TGIF1: variants seen among roughly 807,000 people sequenced by gnomAD.
TGIF1 encodes the protein homeobox protein TGIF1.
TGIF1 carries 4 observed loss-of-function variants against 19.3 expected under a neutral mutation model. The ratio of observed to expected loss-of-function variants is 0.21; its 90% CI spans 0.10 to 0.47. The LOEUF (loss-of-function observed/expected upper bound fraction) is 0.47, where lower values mean the gene tolerates loss of function less well. Among genes scored for constraint, TGIF1 ranks in the 20% least tolerant of loss-of-function variants. TGIF1 has a pLI of 0.98. For missense variants in TGIF1, 275 were observed against 341.4 expected, an observed-to-expected ratio of 0.81 and a Z score of 1.53; for synonymous variants, 122 against 129.3, an observed-to-expected ratio of 0.94 and a Z score of 0.38.
intron 1 of TGIF1, chr18:3,415,487 A>G: frequency 4.2e-6 from 2 of 478,884 alleles, no homozygotes; most frequent in Non-Finnish European, 8.4e-6. Flanking sequence ...GGAGCAAGTC[A>G]TGAGTTCCTG....
At chr18:3,432,233 G>A (rs1360997154) in intron 2 of TGIF1, among the ~76,000 whole-genome samples, 1 of 151,838 alleles carries the variant, frequency 6.6e-6, no homozygotes, top group Non-Finnish European at 1.5e-5. Flanking sequence ...AGGAAACATG[G>A]GACTGCCAAA....
intron 2 of TGIF1, among the ~76,000 whole-genome samples, chr18:3,443,542 A>C (rs143366592): frequency 6.6e-6 from 1 of 152,092 alleles, no homozygotes; most frequent in Admixed American, 6.5e-5. Flanking sequence ...GGTGTATACC[A>C]CGAAGCCCAG....
rs765311618 is a variant in TGIF1 at position 3,457,685 on chromosome 18, C to G, written c.564C>G (p.Leu188=). ...VTALKDVPFS[L]CQSVGVGQNT... ...CATTGAAAGATGTCCCTTTCTCTCTCTGCCAGTCGGTCGGTGTGGGACAAA... is the reference window on the plus strand; with the variant it reads ...CATTGAAAGATGTCCCTTTCTCTCTGTGCCAGTCGGTCGGTGTGGGACAAA... The change falls in exon 3 of 3, where the codon CTC becomes CTG. Residue 188 remains leucine (L), a synonymous_variant. Transcript: ENST00000343820. The surrounding 1 kb of genome is among the most constrained non-coding windows in gnomAD (Gnocchi z 4.9). The G allele has an allele frequency of 3.1e-6, 5 of 1,614,264 alleles. No homozygotes were observed. The South Asian group carries it at 4.4e-5, about 14-fold the overall frequency.
At chr18:3,412,453 T>C (rs1040025458) in intron 1 of TGIF1, among the ~76,000 whole-genome samples, 1 of 152,196 alleles carries the variant, frequency 6.6e-6, no homozygotes, top group Non-Finnish European at 1.5e-5. Flanking sequence ...GAAATGGAAA[T>C]ATTGTAACAA....
In TGIF1 at chr18:3,457,221, A is replaced by AAAT; in HGVS notation, c.244-141_244-139dup. 1.0e-6 allele frequency: 1 copy of AAAT among 958,410 alleles called. No individual in the cohort carries two copies. The highest frequency in any genetic ancestry group is 1.6e-6 in the Non-Finnish European group (1 of 624,832). The allele number at this position is 958,410 out of a possible 1,614,324, so 59.4% of individuals were successfully genotyped here. Reference sequence around the variant, plus strand: ...TTCTTGGCGGAGCTCAGATACCTTGAAATAACATTGTAAATTCAGATAAGG... The same window carrying AAAT: ...TTCTTGGCGGAGCTCAGATACCTTGAAATAATAACATTGTAAATTCAGATAAGG... On this transcript the variant is annotated intron_variant, in intron 2 of 2. Transcript: ENST00000343820. This position sits in a 1 kb window ranked among gnomAD's most constrained non-coding sequence, Gnocchi z 4.9.
chr18:3,458,956 ATGG>A lies in TGIF1; in HGVS notation c.*1020_*1022del, dbSNP rs1266887555. 1 of 152,214 alleles carries A rather than the reference ATGG, an allele frequency of 6.6e-6. No individual in the cohort carries two copies. The highest frequency in any genetic ancestry group is 1.5e-5 in the Non-Finnish European group (1 of 68,038). The allele number at this position is 152,214 out of a possible 1,614,324, so 9.4% of individuals were successfully genotyped here. ...TGAAATAAACGGTGGGGTTCTGTCT[ATGG>A]TGGGATTGTCAGTTTATTAGGTGAG... On this transcript the variant is annotated 3_prime_UTR_variant, in exon 3 of 3. Coordinates refer to ENST00000343820, the MANE Select transcript of TGIF1 (RefSeq NM_003244.4).
At chr18:3,434,752 G>T (rs1349942949) in intron 2 of TGIF1, among the ~76,000 whole-genome samples, 1 of 152,050 alleles carries the variant, frequency 6.6e-6, no homozygotes, top group Non-Finnish European at 1.5e-5. Flanking sequence ...TTATGAGCAG[G>T]CTCAGGAGGT....
chr18:3,427,945 C>T (rs1490869700), intron 2 of TGIF1, among the ~76,000 whole-genome samples: 1 of 152,200 alleles, frequency 6.6e-6, no homozygotes, highest in Non-Finnish European at 1.5e-5. Flanking sequence ...CAAAAACAAT[C>T]TATGGCTGCC....
intron 2 of TGIF1, among the ~76,000 whole-genome samples, chr18:3,420,933 G>A (rs1455498501): frequency 1.3e-5 from 2 of 152,206 alleles, no homozygotes; most frequent in African/African-American, 2.4e-5. Context: ...GGAGGAGTTT[G>A]ACAGTGTGAC....
upstream of TGIF1, chr18:3,448,298 A>C: frequency 1.0e-6 from 1 of 985,272 alleles, no homozygotes; most frequent in Non-Finnish European, 1.2e-6. Context: ...CCGGCTCCCC[A>C]GCGGATAGGA....
intron 1 of TGIF1, among the ~76,000 whole-genome samples, chr18:3,417,369 A>G (rs1360303514): frequency 6.6e-6 from 1 of 152,224 alleles, no homozygotes; most frequent in Non-Finnish European, 1.5e-5. Flanking sequence ...CATGTTGGGC[A>G]GGCTGATCTC....
At chr18:3,413,418 C>T (rs915705205) in intron 1 of TGIF1, among the ~76,000 whole-genome samples, 11 of 152,102 alleles carry the variant, frequency 7.2e-5, no homozygotes, top group Non-Finnish European at 1.3e-4. Flanking sequence ...AGATTTGATT[C>T]GAATTTTATT....
intron 2 of TGIF1, among the ~76,000 whole-genome samples, chr18:3,436,597 T>A (rs2082617087): frequency 6.6e-6 from 1 of 152,012 alleles, no homozygotes; most frequent in African/African-American, 2.4e-5. Context: ...GGCAGGTGGA[T>A]CACCTGAGGT....
chr18:3,450,130 G>A, upstream of TGIF1: 4 of 1,096,988 alleles, frequency 3.6e-6, no homozygotes, highest in Non-Finnish European at 4.5e-6. Flanking sequence ...GCGGCTGGGG[G>A]CGGAGGCAGG....
rs2082920112 is a variant in TGIF1 at position 3,451,363 on chromosome 18, GA to G, written c.16+861del. The G allele has an allele frequency of 1.0e-6, 1 of 984,594 alleles. No homozygotes were observed. 61.0% of individuals were successfully genotyped at this position (984,594 alleles called of 1,614,324 possible). On this transcript the variant is annotated intron_variant, in intron 1 of 2. Coordinates refer to ENST00000343820, the MANE Select transcript of TGIF1 (RefSeq NM_003244.4). This position sits in a 1 kb window ranked among gnomAD's most constrained non-coding sequence, Gnocchi z 5.4. ...ACACCGGAGGGGGACGGGGGGTGGA[GA>G]AACCACACAAAACACCCCGAAAGGT...
At chr18:3,448,650 C>T, upstream of TGIF1, 3 of 984,274 alleles carry the variant, frequency 3.0e-6, no homozygotes, top group Non-Finnish European at 3.6e-6. Context: ...CATTTTAGTC[C>T]TGTAATTGGA....
chr18:3,456,919 G>GT lies in TGIF1; in HGVS notation c.243+341dup, dbSNP rs1276896974. ...CAGTGAGGTAATTCATGTTATGTCT[G>GT]TTGACACAGTCATTTGAACTGGGAA... On this transcript the variant is annotated intron_variant, in intron 2 of 2. Coordinates refer to ENST00000343820, the MANE Select transcript of TGIF1 (RefSeq NM_003244.4). The surrounding 1 kb of genome is among the most constrained non-coding windows in gnomAD (Gnocchi z 4.2). 1 of 593,780 alleles carries GT rather than the reference G, an allele frequency of 1.7e-6. No individual in the cohort carries two copies. Among genetic ancestry groups the GT allele is most frequent in the African/African-American group, 1.9e-5 (1 of 53,786 alleles). 36.8% of individuals were successfully genotyped at this position (593,780 alleles called of 1,614,324 possible). A position where few individuals can be genotyped will look rare whatever the true frequency, so the allele number is the denominator to read the frequency against.
rs371106320 is a variant in TGIF1 at position 3,459,610 on chromosome 18, A to G, written c.*1670A>G. The G allele has an allele frequency of 1.3e-5, 2 of 152,240 alleles. No homozygotes were observed. The highest frequency in any genetic ancestry group is 6.5e-5 in the Admixed American group (1 of 15,280). The allele number at this position is 152,240 out of a possible 1,614,324, so 9.4% of individuals were successfully genotyped here. On this transcript the variant is annotated 3_prime_UTR_variant, in exon 3 of 3. Coordinates refer to ENST00000343820, the MANE Select transcript of TGIF1 (RefSeq NM_003244.4). ...AATCATTACTTGCTCCAACAGCTAG[A>G]TCAAAGGCTGAACATTTTGCTTTAG... is the stretch of plus-strand genomic sequence containing the variant.
intron 2 of TGIF1, among the ~76,000 whole-genome samples, chr18:3,441,074 T>C (rs1194768708): frequency 1.3e-5 from 2 of 152,202 alleles, no homozygotes; most frequent in Non-Finnish European, 2.9e-5. Flanking sequence ...TCCATGTTTT[T>C]TGGTTATCTG....
Sources: gnomAD v4.1 joint callset for allele counts (sites outside exome capture counted in the v4.1 genomes callset) on GRCh38, gnomAD v4.1.1 for gene constraint, Gnocchi (gnomAD v3.1) non-coding constraint, MANE v1.5 for transcripts, NCBI Gene and HGNC (gene_info 2026-07-23, HGNC 2026-07-21) for gene names.